The following AFF4 variants were observed in gnomAD, a reference collection of about 807,000 sequenced individuals.
AFF4 encodes the protein AF4/FMR2 family member 4.
In AFF4, 13 loss-of-function variants were observed where a neutral mutation model predicts 124.8. The observed-to-expected ratio is 0.10, with a 90% CI of 0.07 to 0.17. AFF4 has a LOEUF of 0.17. Ranked by LOEUF, AFF4 falls within the 10% of genes least tolerant of loss-of-function variation. The pLI, the probability that AFF4 is intolerant of heterozygous loss-of-function variation, is 1.00. For missense variants in AFF4, 1,092 were observed against 1,403.8 expected, an observed-to-expected ratio of 0.78 and a Z score of 3.55; for synonymous variants, 477 against 496.1, an observed-to-expected ratio of 0.96 and a Z score of 0.51.
chr5:132,914,699 G>GA (rs1255689530), intron 5 of AFF4, among the ~76,000 whole-genome samples: 2 of 151,098 alleles, frequency 1.3e-5, no homozygotes, highest in African/African-American at 4.9e-5. Context: ...AACAGAGAAA[G>GA]AAAAAACAGC....
At chr5:132,904,909 C>T (rs1365531832) in intron 5 of AFF4, among the ~76,000 whole-genome samples, 1 of 151,930 alleles carries the variant, frequency 6.6e-6, no homozygotes, top group East Asian at 1.9e-4. Context: ...ATTAGTTGGG[C>T]GTGGTGGCGT....
Position 132,896,383 on chromosome 5 carries a change from C to T in AFF4, c.2247G>A (p.Thr749=), listed in dbSNP as rs144987546. Residue 749 remains threonine, a synonymous_variant, in exon 11 of 21, where the codon ACG becomes ACA. Coordinates refer to ENST00000265343, the MANE Select transcript of AFF4 (RefSeq NM_014423.4). ...GEKKNVPEKH[T]REAQKQASEK... is the part of the protein sequence containing the mutation. The stretch of plus-strand genomic sequence containing the variant: ...CTGAGGCTTGTTTCTGAGCCTCTCT[C>T]GTGTGCTTTTCTGGCACATTTTTCT... 5.0e-6 allele frequency: 8 copies of T among 1,613,462 alleles called. No homozygotes were observed. The highest frequency in any genetic ancestry group is 1.1e-5 in the South Asian group (1 of 90,950).
At position 132,880,373 on chromosome 5, in the gene AFF4, T is replaced by C. The variant is rs1759944654; in HGVS notation, c.*686A>G. Reference sequence around the variant, plus strand: ...GTTATTAACACACATTCACAGTTTTTGAAATAATGCATACCAAATCAGACA... The same window carrying C: ...GTTATTAACACACATTCACAGTTTTCGAAATAATGCATACCAAATCAGACA... On this transcript the variant is annotated 3_prime_UTR_variant, in exon 21 of 21. Transcript: ENST00000265343. 4 of 398,770 alleles carry C rather than the reference T, an allele frequency of 1.0e-5. No individual in the cohort carries two copies. The highest frequency in any genetic ancestry group is 1.8e-5 in the Non-Finnish European group (4 of 225,976). The allele number at this position is 398,770 out of a possible 1,614,324, so 24.7% of individuals were successfully genotyped here. A position where few individuals can be genotyped will look rare whatever the true frequency, so the allele number is the denominator to read the frequency against.
chr5:132,935,557 C>T (rs768980846), intron 2 of AFF4, among the ~76,000 whole-genome samples: 4 of 151,648 alleles, frequency 2.6e-5, no homozygotes, highest in Non-Finnish European at 5.9e-5. Context: ...GATCACCTGA[C>T]ATCAGGAGTT....
At chr5:132,890,087 G>A (rs952015195) in intron 13 of AFF4, among the ~76,000 whole-genome samples, 2 of 151,730 alleles carry the variant, frequency 1.3e-5, no homozygotes, top group Non-Finnish European at 2.9e-5. Context: ...TTCCAGGAAT[G>A]CATGGATGTT....
intron 1 of AFF4, among the ~76,000 whole-genome samples, chr5:132,961,729 G>T (rs1762085968): frequency 6.6e-6 from 1 of 152,020 alleles, no homozygotes; most frequent in South Asian, 2.1e-4. Context: ...TCTTTTTTCA[G>T]ACACCCCATC....
At chr5:132,950,775 C>T (rs1051471690) in intron 1 of AFF4, among the ~76,000 whole-genome samples, 1 of 152,196 alleles carries the variant, frequency 6.6e-6, no homozygotes, top group Non-Finnish European at 1.5e-5. Context: ...GAAAAAAACT[C>T]GAATCTTCCT....
At chr5:132,898,990 G>T in intron 9 of AFF4, 114 bp downstream of exon 9, 2 of 944,152 alleles carry the variant, frequency 2.1e-6, no homozygotes, top group Non-Finnish European at 1.6e-6. Context: ...TTACAGAATT[G>T]TACAACCATT....
At chr5:132,901,806 A>G (rs559211100) in intron 7 of AFF4, among the ~76,000 whole-genome samples, 8 of 152,336 alleles carry the variant, frequency 5.3e-5, no homozygotes, top group African/African-American at 1.9e-4. Context: ...TCAGATGAGA[A>G]AAAACCATGA....
At position 132,879,856 on chromosome 5, in the gene AFF4, T is replaced by C. The variant is rs1013259330; in HGVS notation, c.*1203A>G. The stretch of plus-strand genomic sequence containing the variant: ...TCTAGTGTGAAATTTTCTGATTCCA[T>C]CAGAAACATACATCATTGAAGAGGG... On this transcript the variant is annotated 3_prime_UTR_variant, in exon 21 of 21. Coordinates refer to ENST00000265343, the MANE Select transcript of AFF4 (RefSeq NM_014423.4). 1 of 241,418 alleles carries C rather than the reference T, an allele frequency of 4.1e-6. No homozygotes were observed. The highest frequency in any genetic ancestry group is 2.2e-5 in the African/African-American group (1 of 45,696). The allele number at this position is 241,418 out of a possible 1,614,324, so 15.0% of individuals were successfully genotyped here.
At chr5:132,948,461 G>C (rs1403478655) in intron 1 of AFF4, 1 of 152,524 alleles carries the variant, frequency 6.6e-6, no homozygotes, top group East Asian at 1.9e-4. Context: ...CTAAAAATCA[G>C]AGAGAGGCAG....
intron 5 of AFF4, among the ~76,000 whole-genome samples, chr5:132,914,228 A>AAATT (rs1760858058): frequency 6.6e-6 from 1 of 151,150 alleles, no homozygotes; most frequent in South Asian, 2.1e-4. Context: ...ACTCCATCTA[A>AAATT]AAATAAATAA....
intron 4 of AFF4, 174 bp from the exon 5 acceptor site, chr5:132,927,381 A>G (rs565216547): frequency 2.0e-4 from 104 of 518,450 alleles, no homozygotes; most frequent in Non-Finnish European, 3.3e-4. Context: ...GGTGTAGGTA[A>G]TAAGAAGATT....
Position 132,896,602 on chromosome 5 carries a change from A to G in AFF4, c.2028T>C (p.Val676=), listed in dbSNP as rs1412632506. Residue 676 remains valine, a synonymous_variant, in exon 11 of 21, where the codon GTT becomes GTC. Transcript: ENST00000265343. Reference sequence around the variant, plus strand: ...CTTCTTCCTCCACTGAGGAGGGTTTAACAGGAGTCCTATTGCTCTCGGGGT... The same window carrying G: ...CTTCTTCCTCCACTGAGGAGGGTTTGACAGGAGTCCTATTGCTCTCGGGGT... ...PKYPESNRTP[V]KPSSVEEEDS... 3.1e-6 allele frequency: 5 copies of G among 1,614,112 alleles called. No individual in the cohort carries two copies. Among genetic ancestry groups the G allele is most frequent in the Non-Finnish European group, 4.2e-6 (5 of 1,180,030 alleles).
At chr5:132,938,681 C>T (rs981939378) in intron 1 of AFF4, among the ~76,000 whole-genome samples, 2 of 151,596 alleles carry the variant, frequency 1.3e-5, no homozygotes, top group East Asian at 1.9e-4. Context: ...GAGCGGCTCA[C>T]GCCTGTAAAC....
At chr5:132,905,197 G>C (rs1760645365) in intron 5 of AFF4, among the ~76,000 whole-genome samples, 1 of 151,904 alleles carries the variant, frequency 6.6e-6, no homozygotes, top group African/African-American at 2.4e-5. Flanking sequence ...TTACTTCCAT[G>C]TAAGCCCTAT....
chr5:132,955,795 A>AT (rs1554079226), intron 1 of AFF4, among the ~76,000 whole-genome samples: 2,579 of 116,896 alleles, frequency 0.022, 59 homozygotes, highest in African/African-American at 0.064. Context: ...AAAAAAAAAA[A>AT]ATATATATAT....
At chr5:132,901,333 TG>T (rs1760547095) in intron 7 of AFF4, among the ~76,000 whole-genome samples, 1 of 152,226 alleles carries the variant, frequency 6.6e-6, no homozygotes, top group Non-Finnish European at 1.5e-5. Context: ...TAAATAAGTA[TG>T]ATGAATAGGA....
chr5:132,884,491 C>T (rs1040266956), intron 19 of AFF4, among the ~76,000 whole-genome samples: 12 of 152,164 alleles, frequency 7.9e-5, no homozygotes, highest in Non-Finnish European at 1.5e-4. Flanking sequence ...CTGCCCACCT[C>T]GGCCTCTCAA....
Sources: allele counts gnomAD v4.1 joint callset (sites outside exome capture counted in the v4.1 genomes callset), GRCh38; gene constraint gnomAD v4.1.1; transcripts MANE v1.5; gene names NCBI Gene and HGNC (gene_info 2026-07-23, HGNC 2026-07-21).